DOCK3: variants seen among roughly 807,000 people sequenced by gnomAD.
DOCK3 encodes dedicator of cytokinesis 3, also known as dedicator of cytokinesis protein 3.
DOCK3 carries 60 observed loss-of-function variants against 265.6 expected under a neutral mutation model. The observed-to-expected ratio is 0.23, with a 90% CI of 0.18 to 0.28. DOCK3 has a LOEUF of 0.28. Ranked by LOEUF, DOCK3 falls within the 10% of genes least tolerant of loss-of-function variation. The pLI is 1.00. For missense variants in DOCK3, 1,981 were observed against 2,594.3 expected (o/e 0.76, Z 5.14); for synonymous variants, 881 against 938.0 (o/e 0.94, Z 1.11).
chr3:51,079,662 A>G (rs578166704), intron 7 of DOCK3, among the ~76,000 whole-genome samples: 2 of 152,210 alleles, frequency 1.3e-5, no homozygotes, highest in South Asian at 2.1e-4. Context: ...AGGATTTTGC[A>G]TTCTTTATGA....
chr3:51,335,238 A>T (rs972990321), intron 35 of DOCK3, among the ~76,000 whole-genome samples: 18 of 145,264 alleles, frequency 1.2e-4, no homozygotes, highest in South Asian at 6.5e-4. Flanking sequence ...AATATAATTT[A>T]AAAAAAAAAA....
At chr3:51,005,631 A>G (rs959619495) in intron 5 of DOCK3, among the ~76,000 whole-genome samples, 4 of 152,172 alleles carry the variant, frequency 2.6e-5, no homozygotes, top group Non-Finnish European at 5.9e-5. Flanking sequence ...TTCTCATACT[A>G]TAACTCCAAT....
chr3:51,057,076 C>T (rs2081229398), intron 5 of DOCK3, among the ~76,000 whole-genome samples: 1 of 152,210 alleles, frequency 6.6e-6, no homozygotes, highest in African/African-American at 2.4e-5. Context: ...AAATGCCCTA[C>T]AACTTTGCTC....
chr3:51,066,892 T>C (rs1017721977), intron 6 of DOCK3, among the ~76,000 whole-genome samples: 1 of 152,222 alleles, frequency 6.6e-6, no homozygotes, highest in Non-Finnish European at 1.5e-5. Context: ...TACCACAGAC[T>C]ACCTTCTATA....
chr3:50,701,667 A>G (rs1264184533), intron 1 of DOCK3, among the ~76,000 whole-genome samples: 2 of 152,136 alleles, frequency 1.3e-5, no homozygotes, highest in South Asian at 2.1e-4. Context: ...GTGTAGACCA[A>G]TGTTTTCTTT....
chr3:51,184,276 A>T (rs576809648), intron 12 of DOCK3, among the ~76,000 whole-genome samples: 4 of 150,366 alleles, frequency 2.7e-5, no homozygotes, highest in Non-Finnish European at 5.9e-5. Context: ...GTGCCATTGC[A>T]CTCCAGCCTG....
intron 1 of DOCK3, among the ~76,000 whole-genome samples, chr3:50,757,163 CTTTTTTTTTTT>C (rs34435343): frequency 2.5e-5 from 2 of 81,626 alleles, no homozygotes; most frequent in Middle Eastern, 0.012. Flanking sequence ...AGATTGTCGT[CTTTTTTTTTTT>C]TTTTTTTTTT....
intron 1 of DOCK3, among the ~76,000 whole-genome samples, chr3:50,698,517 G>GTTTTT: frequency 0.027 from 519 of 19,470 alleles, 174 homozygotes; most frequent in Middle Eastern, 0.17. Context: ...TATGTTTTTG[G>GTTTTT]TTTTTTTTTT....
intron 5 of DOCK3, among the ~76,000 whole-genome samples, chr3:50,945,237 G>A (rs1268072929): frequency 1.3e-5 from 2 of 151,890 alleles, no homozygotes; most frequent in Admixed American, 1.3e-4. Flanking sequence ...ACTACTGTAG[G>A]GTGACAATAT....
At chr3:51,053,595 G>C (rs2081088424) in intron 5 of DOCK3, among the ~76,000 whole-genome samples, 1 of 151,750 alleles carries the variant, frequency 6.6e-6, no homozygotes, top group African/African-American at 2.4e-5. Context: ...CTAATTTTTT[G>C]TATTTTTAGT....
intron 1 of DOCK3, among the ~76,000 whole-genome samples, chr3:50,713,657 T>TTTTG (rs1379655435): frequency 6.6e-6 from 1 of 151,594 alleles, no homozygotes; most frequent in Non-Finnish European, 1.5e-5. Flanking sequence ...TATATATATT[T>TTTTG]TTTGTTTGTT....
intron 1 of DOCK3, among the ~76,000 whole-genome samples, chr3:50,727,281 C>T (rs1293331737): frequency 2.0e-5 from 3 of 151,856 alleles, no homozygotes; most frequent in South Asian, 2.1e-4. Context: ...ATAACTAAAA[C>T]GACAGAAAAA....
At chr3:50,944,811 T>A (rs1291153228) in intron 5 of DOCK3, among the ~76,000 whole-genome samples, 1 of 152,044 alleles carries the variant, frequency 6.6e-6, no homozygotes, top group East Asian at 1.9e-4. Context: ...GTACAAAAAA[T>A]TAGCTGGGCA....
chr3:51,143,870 T>C (rs2085176936), intron 9 of DOCK3, among the ~76,000 whole-genome samples: 1 of 152,224 alleles, frequency 6.6e-6, no homozygotes, highest in African/African-American at 2.4e-5. Context: ...TGATTTGTGA[T>C]ATTTGCTTAA....
intron 28 of DOCK3, among the ~76,000 whole-genome samples, chr3:51,310,877 A>G (rs1421040848): frequency 6.6e-6 from 1 of 152,256 alleles, no homozygotes; most frequent in Non-Finnish European, 1.5e-5. Context: ...ATTCAGCAGA[A>G]GGCTACTTGG....
At chr3:50,954,484 C>T (rs1017578276) in intron 5 of DOCK3, among the ~76,000 whole-genome samples, 4 of 152,048 alleles carry the variant, frequency 2.6e-5, no homozygotes, top group South Asian at 2.1e-4. Flanking sequence ...GCTTCCTCAT[C>T]TATGAAATAA....
intron 12 of DOCK3, among the ~76,000 whole-genome samples, chr3:51,191,222 C>G (rs1184803671): frequency 6.6e-6 from 1 of 152,100 alleles, no homozygotes; most frequent in Non-Finnish European, 1.5e-5. Flanking sequence ...CTCCTGCACT[C>G]CTAGCTACAG....
At chr3:50,982,596 C>T (rs921067338) in intron 5 of DOCK3, among the ~76,000 whole-genome samples, 2 of 152,198 alleles carry the variant, frequency 1.3e-5, no homozygotes, top group Admixed American at 1.3e-4. Context: ...GCTGCTCTCA[C>T]CTGCTGCTGC....
At chr3:51,316,143 A>G (rs1482298849) in intron 32 of DOCK3, among the ~76,000 whole-genome samples, 1 of 152,236 alleles carries the variant, frequency 6.6e-6, no homozygotes, top group East Asian at 1.9e-4. Flanking sequence ...GTCTATTTGT[A>G]GTCAAACCCT....
Sources: allele counts gnomAD v4.1 joint callset (sites outside exome capture counted in the v4.1 genomes callset), GRCh38; gene constraint gnomAD v4.1.1; transcripts MANE v1.5; gene names NCBI Gene and HGNC (gene_info 2026-07-23, HGNC 2026-07-21).